Variants in SBF2 observed in about 807,000 individuals in gnomAD.
SBF2 encodes the protein SET binding factor 2.
Under a neutral mutation model 225.2 loss-of-function variants are expected in SBF2, and 112 were observed. The observed-to-expected ratio is 0.50, with a 90% CI of 0.43 to 0.58. The LOEUF (loss-of-function observed/expected upper bound fraction) is 0.58. Among genes scored for constraint, SBF2 ranks in the 20% least tolerant of loss-of-function variants. The pLI, the probability that SBF2 is intolerant of heterozygous loss-of-function variation, is 0.00. For synonymous variants in SBF2, 763 were observed against 773.3 expected (o/e 0.99, Z 0.22); for missense variants, 1,996 against 2,206.2 (o/e 0.90, Z 1.91).
chr11:10,009,126 C>G (rs1312778602), intron 6 of SBF2, among the ~76,000 whole-genome samples: 5 of 152,158 alleles, frequency 3.3e-5, no homozygotes. Context: ...TCTTATGCCT[C>G]AAGGAAACCA....
chr11:10,215,372 T>C (rs1359197055), intron 1 of SBF2, among the ~76,000 whole-genome samples: 2 of 152,244 alleles, frequency 1.3e-5, no homozygotes, highest in Non-Finnish European at 2.9e-5. Flanking sequence ...ATTATTGCAT[T>C]GTTGCATTTT....
chr11:10,004,751 T>C (rs1948121924), intron 6 of SBF2, among the ~76,000 whole-genome samples: 2 of 152,148 alleles, frequency 1.3e-5, no homozygotes, highest in Admixed American at 1.3e-4. Flanking sequence ...TAAGCCAGAC[T>C]AAAGCTTAAG....
intron 12 of SBF2, among the ~76,000 whole-genome samples, chr11:9,990,274 A>C (rs1417187275): frequency 6.6e-6 from 1 of 152,210 alleles, no homozygotes; most frequent in Non-Finnish European, 1.5e-5. Flanking sequence ...TAGGCATATA[A>C]AACTATGGCT....
chr11:10,215,869 C>G (rs1958110802), intron 1 of SBF2, among the ~76,000 whole-genome samples: 1 of 152,230 alleles, frequency 6.6e-6, no homozygotes, highest in South Asian at 2.1e-4. Flanking sequence ...TTCCATCTGA[C>G]TTACCAAATG....
chr11:10,189,098 C>A (rs1249943904), intron 2 of SBF2, among the ~76,000 whole-genome samples: 1 of 152,148 alleles, frequency 6.6e-6, no homozygotes, highest in Non-Finnish European at 1.5e-5. Flanking sequence ...CCATACATAC[C>A]TTTTATAAAC....
chr11:9,992,986 T>C lies in SBF2; in HGVS notation c.1167+4A>G, dbSNP rs1240919799. On this transcript the variant is annotated splice_donor_region_variant and intron_variant, in intron 11 of 39. Transcript: ENST00000256190. ...GACAGATACAATATAGTACTCTATC[T>C]TACCTTGTGGAAATGTATTACTGGC... 6.3e-7 allele frequency: 1 copy of C among 1,585,266 alleles called. No individual in the cohort carries two copies. Among genetic ancestry groups the C allele is most frequent in the East Asian group, 2.2e-5 (1 of 44,630 alleles).
intron 17 of SBF2, among the ~76,000 whole-genome samples, chr11:9,870,771 T>A (rs1304078583): frequency 6.6e-6 from 1 of 151,868 alleles, no homozygotes; most frequent in East Asian, 1.9e-4. Context: ...GTCAGGAGAT[T>A]GAGACTATCC....
At chr11:9,993,847 G>C in intron 10 of SBF2, 74 bp downstream of exon 10, 1 of 1,424,864 alleles carries the variant, frequency 7.0e-7, no homozygotes, top group Non-Finnish European at 9.7e-7. Flanking sequence ...ACTTCACTTA[G>C]CTTCTTTAAC....
chr11:10,210,664 C>G (rs1957906964), intron 1 of SBF2, among the ~76,000 whole-genome samples: 1 of 152,100 alleles, frequency 6.6e-6, no homozygotes, highest in African/African-American at 2.4e-5. Flanking sequence ...ACACAGCAGA[C>G]TCCCCAGGAA....
In SBF2 at chr11:9,998,276, GCTGATTGAGT is replaced by G; in HGVS notation, c.955_964del (p.Thr319LeufsTer4). On this transcript the variant is annotated frameshift_variant, in exon 9 of 40. Coordinates refer to ENST00000256190, the MANE Select transcript of SBF2 (RefSeq NM_030962.4). LOFTEE classifies it high-confidence loss of function. Reference sequence around the variant, plus strand: ...AAAAATATGTCATACCAAAGAAAGAGCTGATTGAGTCTGATGTAGAAGTGGTTCTGGGAGG... The same window carrying G: ...AAAAATATGTCATACCAAAGAAAGAGCTGATGTAGAAGTGGTTCTGGGAGG... 6.4e-7 allele frequency: 1 copy of G among 1,572,146 alleles called. No individual in the cohort carries two copies.
At chr11:9,844,990 A>T (rs1461240936) in intron 24 of SBF2, among the ~76,000 whole-genome samples, 4 of 152,320 alleles carry the variant, frequency 2.6e-5, no homozygotes, top group African/African-American at 9.6e-5. Context: ...TGATGTACTT[A>T]AGGATAAAGG....
At chr11:9,908,540 T>C (rs1180508142) in intron 16 of SBF2, among the ~76,000 whole-genome samples, 10 of 152,026 alleles carry the variant, frequency 6.6e-5, no homozygotes, top group Non-Finnish European at 1.3e-4. Flanking sequence ...GGCAGGAGAA[T>C]GGCGTGAACC....
chr11:10,246,571 C>G (rs1233761393), intron 1 of SBF2, among the ~76,000 whole-genome samples: 4 of 152,130 alleles, frequency 2.6e-5, no homozygotes, highest in Non-Finnish European at 4.4e-5. Context: ...GCAAGAGCCA[C>G]CACACCCAGT....
chr11:9,953,417 C>T (rs756078595), intron 16 of SBF2, among the ~76,000 whole-genome samples: 10 of 151,278 alleles, frequency 6.6e-5, no homozygotes, highest in African/African-American at 1.5e-4. Context: ...CATTCCAGCC[C>T]GGGTGACAGA....
At chr11:9,880,869 CT>C (rs1326148833) in intron 17 of SBF2, among the ~76,000 whole-genome samples, 5 of 152,184 alleles carry the variant, frequency 3.3e-5, no homozygotes, top group African/African-American at 1.2e-4. Context: ...AATTCTGCCC[CT>C]GTCAGCATTT....
At chr11:9,999,668 AG>A (rs1947867277) in intron 8 of SBF2, among the ~76,000 whole-genome samples, 2 of 152,180 alleles carry the variant, frequency 1.3e-5, no homozygotes, top group Non-Finnish European at 2.9e-5. Flanking sequence ...TGTACAAACC[AG>A]GTGGATATGC....
chr11:9,892,740 G>C (rs1228865286), intron 17 of SBF2, among the ~76,000 whole-genome samples: 1 of 151,972 alleles, frequency 6.6e-6, no homozygotes, highest in Non-Finnish European at 1.5e-5. Context: ...CGTATTTTTA[G>C]TAGAGATGGG....
intron 17 of SBF2, among the ~76,000 whole-genome samples, chr11:9,873,076 C>T (rs1858909936): frequency 1.3e-5 from 2 of 151,504 alleles, no homozygotes; most frequent in South Asian, 4.2e-4. Flanking sequence ...CGTGGTGGCA[C>T]ACACCTGTAG....
intron 2 of SBF2, among the ~76,000 whole-genome samples, chr11:10,047,600 T>G (rs749176459): frequency 1.3e-5 from 2 of 152,194 alleles, no homozygotes; most frequent in Non-Finnish European, 2.9e-5. Context: ...TCCCCATCTC[T>G]TTGACATTTT....
Sources: allele counts gnomAD v4.1 joint callset (sites outside exome capture counted in the v4.1 genomes callset), GRCh38; gene constraint gnomAD v4.1.1; transcripts MANE v1.5; gene names NCBI Gene and HGNC (gene_info 2026-07-23, HGNC 2026-07-21).